The following CDKN2B-AS1 variants were observed in gnomAD, a reference collection of about 807,000 sequenced individuals.
CDKN2B-AS1 encodes CDKN2B antisense RNA 1 (non-protein coding).
chr9:22,041,954 TAGCTTACC>T (rs1032530516), intron 1 of CDKN2B-AS1, among the ~76,000 whole-genome samples: 4 of 152,178 alleles, frequency 2.6e-5, no homozygotes, highest in Admixed American at 2.6e-4. Flanking sequence ...TAATTAGATC[TAGCTTACC>T]AGGGCAGATT....
At chr9:22,067,052 C>T (rs574724962) in intron 4 of CDKN2B-AS1, among the ~76,000 whole-genome samples, 88 of 152,076 alleles carry the variant, frequency 5.8e-4, no homozygotes, top group African/African-American at 2.0e-3. Context: ...CATCACACAC[C>T]AGGGCCTGTT....
chr9:22,009,706 A>G (rs1821405686), intron 1 of CDKN2B-AS1, among the ~76,000 whole-genome samples: 1 of 152,162 alleles, frequency 6.6e-6, no homozygotes, highest in African/African-American at 2.4e-5. Context: ...CGTGTTTCTT[A>G]AGATGTCTGA....
chr9:22,079,442 T>G (rs984549691), intron 4 of CDKN2B-AS1, among the ~76,000 whole-genome samples: 6 of 150,340 alleles, frequency 4.0e-5, no homozygotes, highest in African/African-American at 1.5e-4. Context: ...AAGCCGAGAC[T>G]GTGCCTCTGT....
At chr9:22,076,641 T>G (rs902696849) in intron 4 of CDKN2B-AS1, among the ~76,000 whole-genome samples, 2 of 152,170 alleles carry the variant, frequency 1.3e-5, no homozygotes, top group Non-Finnish European at 2.9e-5. Context: ...AGAGCAGCTA[T>G]AGTTTACTCA....
At chr9:22,014,300 C>T (rs1434241738) in intron 1 of CDKN2B-AS1, among the ~76,000 whole-genome samples, 1 of 152,054 alleles carries the variant, frequency 6.6e-6, no homozygotes, top group African/African-American at 2.4e-5. Flanking sequence ...ATAGCTAGGA[C>T]TACAGGCACA....
At chr9:22,075,810 C>T (rs1011844662) in intron 4 of CDKN2B-AS1, among the ~76,000 whole-genome samples, 7 of 152,110 alleles carry the variant, frequency 4.6e-5, no homozygotes, top group East Asian at 1.9e-4. Flanking sequence ...AAGAAATGCC[C>T]GTTTGTATTT....
intron 4 of CDKN2B-AS1, among the ~76,000 whole-genome samples, chr9:22,091,939 G>A (rs1005059779): frequency 1.3e-5 from 2 of 152,164 alleles, no homozygotes; most frequent in African/African-American, 4.8e-5. Flanking sequence ...TGCCCATTCA[G>A]TATGATATTG....
chr9:22,057,611 C>A (rs1158304124), intron 4 of CDKN2B-AS1, among the ~76,000 whole-genome samples: 1 of 151,988 alleles, frequency 6.6e-6, no homozygotes, highest in Non-Finnish European at 1.5e-5. Context: ...GAGTTCGAGG[C>A]CAGCTTGGGC....
intron 3 of CDKN2B-AS1, among the ~76,000 whole-genome samples, chr9:22,054,844 C>T (rs972371683): frequency 2.7e-4 from 41 of 151,506 alleles, no homozygotes; most frequent in African/African-American, 9.2e-4. Flanking sequence ...TTCTGCCTCC[C>T]GGGTTCAAGC....
chr9:22,092,406 T>A (rs1825123238), intron 4 of CDKN2B-AS1: 1 of 152,236 alleles, frequency 6.6e-6, no homozygotes, highest in Non-Finnish European at 1.5e-5. Context: ...TGGTACCAGC[T>A]CCTCTTTGTA....
intron 4 of CDKN2B-AS1, among the ~76,000 whole-genome samples, chr9:22,096,996 A>G (rs1256276874): frequency 6.6e-6 from 1 of 152,136 alleles, no homozygotes; most frequent in Non-Finnish European, 1.5e-5. Flanking sequence ...TATATGGTGT[A>G]GAAAACCAGC....
At chr9:22,120,048 T>A (rs1422346091) in intron 4 of CDKN2B-AS1, 1 of 152,250 alleles carries the variant, frequency 6.6e-6, no homozygotes, top group Non-Finnish European at 1.5e-5. Flanking sequence ...GAGAAAGTTA[T>A]GTCTGAAATA....
At chr9:22,011,191 C>T (rs1821487351) in intron 1 of CDKN2B-AS1, among the ~76,000 whole-genome samples, 1 of 152,194 alleles carries the variant, frequency 6.6e-6, no homozygotes, top group Admixed American at 6.5e-5. Context: ...CTTGATCTTC[C>T]AAAGCCCCTT....
chr9:22,076,001 G>A (rs918593933), intron 4 of CDKN2B-AS1, among the ~76,000 whole-genome samples: 5 of 152,104 alleles, frequency 3.3e-5, no homozygotes, highest in Admixed American at 6.5e-5. Flanking sequence ...TTTAAAGTCA[G>A]GTATGATTGA....
Position 22,009,629 on chromosome 9 carries a change from A to G in CDKN2B-AS1, n.29+14468A>G, listed in dbSNP as rs116868578. Among the ~76,000 whole-genome samples the G allele has an allele frequency of 4.4e-3, 666 of 152,338 alleles. 8 individuals are homozygous for G. Among genetic ancestry groups the G allele is most frequent in the Middle Eastern group, 0.01 (3 of 294 alleles). The stretch of plus-strand genomic sequence containing the variant: ...AGGATTTCTGTTCCTTCAGCCAGCC[A>G]GTTGGTTTCACTGTGGAGACGTTGG... On this transcript the variant is annotated intron_variant and non_coding_transcript_variant, in intron 1 of 4. Coordinates refer to ENST00000650946, the Ensembl canonical transcript of CDKN2B-AS1.
chr9:22,020,045 C>G (rs1821951576), intron 1 of CDKN2B-AS1, among the ~76,000 whole-genome samples: 1 of 152,022 alleles, frequency 6.6e-6, no homozygotes. Context: ...TCTGATAGGC[C>G]CCGGTGTGTG....
In CDKN2B-AS1 at chr9:21,997,668, A is replaced by G. The variant is rs1820749341; in HGVS notation, n.29+2507A>G. ...TGAGGGACCTCAGTCATTTCTCTTAAGCTCTTCAACTGCTTGGATGAGGAC... is the reference window on the plus strand; with the variant it reads ...TGAGGGACCTCAGTCATTTCTCTTAGGCTCTTCAACTGCTTGGATGAGGAC... On this transcript the variant is annotated intron_variant and non_coding_transcript_variant, in intron 1 of 4. Coordinates refer to ENST00000650946, the Ensembl canonical transcript of CDKN2B-AS1. The surrounding 1 kb of genome is among the most constrained non-coding windows in gnomAD (Gnocchi z 4.8). Among the ~76,000 whole-genome samples, 1 of 151,876 alleles carries G rather than the reference A, an allele frequency of 6.6e-6. No homozygotes were observed. Among genetic ancestry groups the G allele is most frequent in the South Asian group, 2.1e-4 (1 of 4,808 alleles).
intron 4 of CDKN2B-AS1, chr9:22,077,734 C>G (rs1014575152): frequency 6.6e-6 from 1 of 152,146 alleles, no homozygotes; most frequent in Non-Finnish European, 1.5e-5. Flanking sequence ...GGACATTGGA[C>G]AAAAACACAG....
chr9:22,024,274 C>A (rs980050907), intron 1 of CDKN2B-AS1, among the ~76,000 whole-genome samples: 1 of 152,186 alleles, frequency 6.6e-6, no homozygotes, highest in African/African-American at 2.4e-5. Context: ...TGGGCCCCAA[C>A]TTTGTTCTCT....
Sources: allele counts gnomAD v4.1 joint callset (sites outside exome capture counted in the v4.1 genomes callset), GRCh38; gene constraint gnomAD v4.1.1; non-coding constraint Gnocchi (gnomAD v3.1); transcripts MANE v1.5; gene names NCBI Gene and HGNC (gene_info 2026-07-23, HGNC 2026-07-21).